ZFAT: variants seen among roughly 807,000 people sequenced by gnomAD.
ZFAT encodes the protein zinc finger and AT-hook domain containing.
Under a neutral mutation model 117.7 loss-of-function variants are expected in ZFAT, and 64 were observed. The ratio of observed to expected loss-of-function variants is 0.54; its 90% CI spans 0.44 to 0.67. The LOEUF is 0.67. ZFAT is among the 30% of genes least tolerant of loss of function. ZFAT has a pLI of 0.00. For missense variants in ZFAT, 1,433 were observed against 1,584.5 expected (o/e 0.90, Z 1.62); for synonymous variants, 679 against 615.0 (o/e 1.10, Z -1.54).
chr8:134,659,296 C>G (rs1831812483), intron 1 of ZFAT, among the ~76,000 whole-genome samples: 1 of 152,174 alleles, frequency 6.6e-6, no homozygotes, highest in Admixed American at 6.5e-5. Flanking sequence ...CTTCAGCTGT[C>G]TCCCCACCTC....
At chr8:134,654,850 A>C (rs1831494664) in intron 2 of ZFAT, among the ~76,000 whole-genome samples, 1 of 152,210 alleles carries the variant, frequency 6.6e-6, no homozygotes, top group Non-Finnish European at 1.5e-5. Flanking sequence ...TCTTTGGGAC[A>C]TTTCCTGACA....
At chr8:134,756,691 A>G in the ZFAT span, among the ~76,000 whole-genome samples, 15 of 152,244 alleles carry the variant, frequency 9.9e-5, no homozygotes, top group Admixed American at 6.5e-4. Context: ...GCTTCCTCCT[A>G]AGGGGCAGCT....
At chr8:134,822,772 G>C in the ZFAT span, among the ~76,000 whole-genome samples, 2 of 152,078 alleles carry the variant, frequency 1.3e-5, no homozygotes, top group East Asian at 3.9e-4. Context: ...GATTTAATAG[G>C]ACATGGTCCC....
chr8:134,638,378 G>A (rs1437942977), intron 2 of ZFAT, among the ~76,000 whole-genome samples: 2 of 151,890 alleles, frequency 1.3e-5, no homozygotes, highest in Non-Finnish European at 2.9e-5. Flanking sequence ...AATTTTTAAG[G>A]CATTCATCTC....
At chr8:134,571,679 A>G (rs190752537) in intron 10 of ZFAT, among the ~76,000 whole-genome samples, 1 of 152,358 alleles carries the variant, frequency 6.6e-6, no homozygotes, top group Admixed American at 6.5e-5. Flanking sequence ...TCTCCTACAC[A>G]GCACTATGAA....
chr8:134,503,593 G>T (rs1250146356), intron 15 of ZFAT, among the ~76,000 whole-genome samples: 3 of 152,132 alleles, frequency 2.0e-5, no homozygotes, highest in Admixed American at 1.3e-4. Context: ...ATTTAAACTG[G>T]CAGACTGAAT....
the ZFAT span, among the ~76,000 whole-genome samples, chr8:134,755,139 C>T: frequency 6.6e-6 from 1 of 151,688 alleles, no homozygotes; most frequent in South Asian, 2.1e-4. Flanking sequence ...CGTGGTGGCT[C>T]ACGCCTGTAA....
intron 15 of ZFAT, among the ~76,000 whole-genome samples, chr8:134,502,612 C>T (rs772438929): frequency 3.9e-5 from 6 of 152,316 alleles, no homozygotes; most frequent in Middle Eastern, 3.4e-3. Context: ...CCAACCATCA[C>T]GGGGACCCAC....
At chr8:134,720,479 G>C in the ZFAT span, among the ~76,000 whole-genome samples, 1 of 152,196 alleles carries the variant, frequency 6.6e-6, no homozygotes, top group Admixed American at 6.5e-5. Context: ...TGGACTCCAA[G>C]AGTCTTTCAA....
At chr8:134,804,956 A>T in the ZFAT span, 1 of 532,820 alleles carries the variant, frequency 1.9e-6, no homozygotes, top group Non-Finnish European at 3.9e-6. Context: ...AGACTTTCTG[A>T]ACAAGAAATT....
chr8:134,637,324 T>C, intron 3 of ZFAT, 137 bp downstream of exon 3: 2 of 1,135,658 alleles, frequency 1.8e-6, no homozygotes, highest in Admixed American at 2.3e-5. Flanking sequence ...ATTAGGAAAA[T>C]AAGCACTTTT....
intron 1 of ZFAT, among the ~76,000 whole-genome samples, chr8:134,712,279 C>A (rs959987580): frequency 6.6e-6 from 1 of 152,190 alleles, no homozygotes; most frequent in African/African-American, 2.4e-5. Flanking sequence ...GAGAGCTGAG[C>A]AGCAAAACGT....
chr8:134,767,407 T>C, the ZFAT span: 2 of 152,242 alleles, frequency 1.3e-5, no homozygotes, highest in Admixed American at 1.3e-4. Context: ...GACTTTTTAA[T>C]CATTACAAAG....
At chr8:134,564,945 G>A (rs1298806356) in intron 11 of ZFAT, 4 of 1,211,920 alleles carry the variant, frequency 3.3e-6, no homozygotes, top group South Asian at 3.0e-5. Context: ...ACAACTGCTT[G>A]CCGGGTGGGC....
chr8:134,565,288 C>T (rs761520348), intron 11 of ZFAT, 45 bp downstream of exon 11: 1 of 1,610,458 alleles, frequency 6.2e-7, no homozygotes, highest in Non-Finnish European at 8.5e-7. Flanking sequence ...AAAAGCAACG[C>T]CTTTTTTGTC....
At chr8:134,737,568 C>G in the ZFAT span, among the ~76,000 whole-genome samples, 28 of 146,484 alleles carry the variant, frequency 1.9e-4, no homozygotes, top group Non-Finnish European at 3.0e-5. Context: ...TGATACAGCA[C>G]CTTTCTAACA....
At chr8:134,668,197 C>T (rs552345316) in intron 1 of ZFAT, among the ~76,000 whole-genome samples, 3 of 152,216 alleles carry the variant, frequency 2.0e-5, no homozygotes, top group Admixed American at 1.3e-4. Context: ...CATAGCCGAA[C>T]AAAAGCAGCA....
chr8:134,755,108 C>G, the ZFAT span, among the ~76,000 whole-genome samples: 1 of 151,780 alleles, frequency 6.6e-6, no homozygotes, highest in Non-Finnish European at 1.5e-5. Flanking sequence ...TTTTTTATTT[C>G]AATAGCTTTT....
chr8:134,593,721 T>TAA (rs1342537930), intron 7 of ZFAT, among the ~76,000 whole-genome samples: 12 of 152,098 alleles, frequency 7.9e-5, no homozygotes, highest in African/African-American at 2.7e-4. Context: ...GCAAGTGCTT[T>TAA]AAAAAACAAA....
Sources: gnomAD v4.1 joint callset for allele counts (sites outside exome capture counted in the v4.1 genomes callset) on GRCh38, gnomAD v4.1.1 for gene constraint, MANE v1.5 for transcripts, NCBI Gene and HGNC (gene_info 2026-07-23, HGNC 2026-07-21) for gene names.